PCDH15: variants seen among roughly 807,000 people sequenced by gnomAD.
The protein encoded by PCDH15 is protocadherin related 15, also known as protocadherin-15.
In PCDH15, 129 loss-of-function variants were observed where a neutral mutation model predicts 178.5. The observed-to-expected ratio is 0.72, with a 90% CI of 0.63 to 0.84. The LOEUF (loss-of-function observed/expected upper bound fraction) is 0.84, where lower values mean the gene tolerates loss of function less well. Among genes scored for constraint, PCDH15 ranks in the 40% least tolerant of loss-of-function variants. The probability of loss-of-function intolerance (pLI) is 0.00; values close to 1 mark genes in which losing one functional copy is unlikely to be tolerated. For missense variants in PCDH15, 2,230 were observed against 2,099.9 expected (o/e 1.06, Z -1.21); for synonymous variants, 800 against 732.0 (o/e 1.09, Z -1.50).
intron 1 of PCDH15, among the ~76,000 whole-genome samples, chr10:54,686,646 C>G (rs1213554978): frequency 6.6e-6 from 1 of 151,972 alleles, no homozygotes; most frequent in African/African-American, 2.4e-5. Flanking sequence ...ATTTTTCCAC[C>G]ACCATGTGTT....
At chr10:54,131,384 C>T (rs1297837758) in intron 15 of PCDH15, among the ~76,000 whole-genome samples, 1 of 151,900 alleles carries the variant, frequency 6.6e-6, no homozygotes, top group Non-Finnish European at 1.5e-5. Flanking sequence ...TAAATGAGTT[C>T]CCATGAATGT....
Position 54,960,976 on chromosome 10 carries a change from A to G in PCDH15, c.-79-63476T>C, listed in dbSNP as rs58538520. Among the ~76,000 whole-genome samples the G allele has an allele frequency of 3.8e-3, 586 of 152,350 alleles. 7 individuals carry two copies. The highest frequency in any genetic ancestry group is 0.014 in the African/African-American group (574 of 41,580). ...GGAAATTAAAAACAGGCCTATTCTG[A>G]TGCTATGTTGTGCTTAAAACAAATC... On this transcript the variant is annotated intron_variant, in intron 2 of 5. Coordinates refer to the PCDH15 transcript ENST00000458638.
intron 30 of PCDH15, among the ~76,000 whole-genome samples, chr10:53,829,699 A>C (rs1588979557): frequency 6.6e-6 from 1 of 152,264 alleles, no homozygotes; most frequent in East Asian, 1.9e-4. Context: ...GGTAGAAAAT[A>C]TTTCTGTAGT....
intron 15 of PCDH15, among the ~76,000 whole-genome samples, chr10:54,098,605 G>T (rs575276765): frequency 6.6e-6 from 1 of 152,190 alleles, no homozygotes; most frequent in East Asian, 1.9e-4. Flanking sequence ...TGCCTAAATT[G>T]AACTTAAAGA....
intron 1 of PCDH15, among the ~76,000 whole-genome samples, chr10:54,775,754 G>A (rs991289952): frequency 6.6e-6 from 1 of 152,082 alleles, no homozygotes; most frequent in East Asian, 1.9e-4. Context: ...GCGTGGTGGC[G>A]GGCGCCTGTA....
intron 2 of PCDH15, among the ~76,000 whole-genome samples, chr10:55,506,970 T>C (rs1331219303): frequency 6.6e-6 from 1 of 151,478 alleles, no homozygotes; most frequent in Non-Finnish European, 1.5e-5. Context: ...ACATAGCTCA[T>C]AAAAAACGTG....
intron 1 of PCDH15, among the ~76,000 whole-genome samples, chr10:55,174,725 G>A (rs1038675290): frequency 6.6e-6 from 1 of 152,118 alleles, no homozygotes; most frequent in African/African-American, 2.4e-5. Context: ...GATCCATCCT[G>A]TCCTCCCTAT....
rs761375285 is a variant in PCDH15, at chr10:54,022,911, G to A, written c.2507C>T (p.Thr836Ile). The change falls in exon 19 of 38, where the codon ACT (threonine) becomes ATT (isoleucine). Residue 836 changes from threonine (T) to isoleucine (I), a missense_variant. By Grantham distance (89) the Thr-to-Ile change is moderately conservative. Transcript: ENST00000644397. Reference sequence around the variant, plus strand: ...ACACACCTCTATTTGAAGGATGGTAGTCCCAGCTGGCAAATTCTCTTCAAC... The same window carrying A: ...ACACACCTCTATTTGAAGGATGGTAATCCCAGCTGGCAAATTCTCTTCAAC... ...VLVEENLPAG[T>I]TILQIEAKDV... 2 of 1,613,728 alleles carry A rather than the reference G, an allele frequency of 1.2e-6. No homozygotes were observed. The highest frequency in any genetic ancestry group is 2.7e-5 in the African/African-American group (2 of 74,906).
At chr10:53,904,468 CTT>C (rs10659966) in intron 25 of PCDH15, among the ~76,000 whole-genome samples, 12 of 143,998 alleles carry the variant, frequency 8.3e-5, no homozygotes, top group Admixed American at 6.9e-5. Flanking sequence ...TAGAAATAGT[CTT>C]TTTTTTTTTT....
intron 21 of PCDH15, among the ~76,000 whole-genome samples, chr10:53,963,756 C>CCATAGCCA (rs368171196): frequency 9.2e-5 from 14 of 152,124 alleles, no homozygotes; most frequent in African/African-American, 3.1e-4. Context: ...CTCTTAAGCC[C>CCATAGCCA]CATAGCCAAA....
chr10:54,806,454 T>C (rs1210893592), intron 3 of PCDH15, among the ~76,000 whole-genome samples: 9 of 151,896 alleles, frequency 5.9e-5, no homozygotes, highest in Non-Finnish European at 1.2e-4. Flanking sequence ...AATCATTTGG[T>C]TATGACTATA....
At chr10:54,714,365 C>T (rs1042013082) in intron 1 of PCDH15, among the ~76,000 whole-genome samples, 1 of 152,076 alleles carries the variant, frequency 6.6e-6, no homozygotes, top group African/African-American at 2.4e-5. Flanking sequence ...ACTTACAGCA[C>T]GTATTCAGAT....
chr10:53,880,196 A>G (rs534439772), intron 26 of PCDH15, among the ~76,000 whole-genome samples: 57 of 152,294 alleles, frequency 3.7e-4, no homozygotes, highest in African/African-American at 1.3e-3. Flanking sequence ...TATAATGAAG[A>G]CTTCACAGTT....
chr10:54,896,153 G>A (rs1173384970), intron 3 of PCDH15, among the ~76,000 whole-genome samples: 1 of 152,076 alleles, frequency 6.6e-6, no homozygotes, highest in Non-Finnish European at 1.5e-5. Flanking sequence ...CCAAAGTGCT[G>A]GGATTGCAAG....
intron 18 of PCDH15, among the ~76,000 whole-genome samples, chr10:54,053,443 GATAA>G (rs967693933): frequency 6.6e-6 from 1 of 152,102 alleles, no homozygotes; most frequent in African/African-American, 2.4e-5. Flanking sequence ...AAGATGTTTA[GATAA>G]ATAGACAACA....
In PCDH15 at chr10:54,067,242, C is replaced by A. The variant is rs891492809; in HGVS notation, c.2092-357G>T. Among the ~76,000 whole-genome samples, 5 of 152,152 alleles carry A rather than the reference C, an allele frequency of 3.3e-5. No homozygotes were observed. The East Asian group carries it at 9.7e-4, about 30-fold the overall frequency. On this transcript the variant is annotated intron_variant, in intron 17 of 37. Coordinates refer to ENST00000644397, the MANE Select transcript of PCDH15 (RefSeq NM_001384140.1). Reference sequence around the variant, plus strand: ...TACACTGCTTTATCTCTGAAATGTGCCATTTCTGTAGTTTTTGCTGCTTGT... The same window carrying A: ...TACACTGCTTTATCTCTGAAATGTGACATTTCTGTAGTTTTTGCTGCTTGT...
chr10:54,341,536 T>A (rs1442536448), intron 6 of PCDH15, among the ~76,000 whole-genome samples: 1 of 152,136 alleles, frequency 6.6e-6, no homozygotes, highest in East Asian at 1.9e-4. Context: ...AGCAGTGTGA[T>A]AACAAACTAA....
At chr10:54,893,208 G>T (rs537299410) in intron 3 of PCDH15, among the ~76,000 whole-genome samples, 35 of 151,130 alleles carry the variant, frequency 2.3e-4, no homozygotes, top group African/African-American at 8.0e-4. Context: ...ACACAAAAAA[G>T]GAAATTTTTA....
chr10:55,432,130 T>C (rs575563076), intron 2 of PCDH15, among the ~76,000 whole-genome samples: 68 of 127,138 alleles, frequency 5.3e-4, no homozygotes, highest in Admixed American at 1.4e-3. Flanking sequence ...GTCTCTCCAA[T>C]TATATGCTCC....
Sources: gnomAD v4.1 joint callset for allele counts (sites outside exome capture counted in the v4.1 genomes callset) on GRCh38, gnomAD v4.1.1 for gene constraint, MANE v1.5 for transcripts, NCBI Gene and HGNC (gene_info 2026-07-23, HGNC 2026-07-21) for gene names.